The following ADCY9 variants were observed in gnomAD, a reference collection of about 807,000 sequenced individuals.
ADCY9 encodes the protein adenylate cyclase type 9.
In ADCY9, 50 loss-of-function variants were observed where a neutral mutation model predicts 101.5. The ratio of observed to expected loss-of-function variants is 0.49; its 90% CI spans 0.39 to 0.62. ADCY9 has a LOEUF of 0.62. Among genes scored for constraint, ADCY9 ranks in the 20% least tolerant of loss-of-function variants. The pLI is 0.00. For missense variants in ADCY9, 1,662 were observed against 1,800.4 expected (o/e 0.92, Z 1.39); for synonymous variants, 905 against 769.3 (o/e 1.18, Z -2.92).
intron 2 of ADCY9, among the ~76,000 whole-genome samples, chr16:4,101,243 A>C (rs558005331): frequency 6.6e-6 from 1 of 151,466 alleles, no homozygotes. Flanking sequence ...CCTATCTGTA[A>C]TACAGTCAGG....
chr16:3,955,605 G>A (rs143901594), intron 5 of ADCY9, among the ~76,000 whole-genome samples: 153 of 152,090 alleles, frequency 1.0e-3, no homozygotes, highest in African/African-American at 3.4e-3. Context: ...GTGCAGTGGC[G>A]CGATCTCAGG....
intron 3 of ADCY9, among the ~76,000 whole-genome samples, chr16:4,000,968 T>TACAC (rs141254290): frequency 0.061 from 7,688 of 125,202 alleles, 302 homozygotes; most frequent in African/African-American, 0.088. Flanking sequence ...TCCCTCTCTC[T>TACAC]ACACACACAC....
intron 5 of ADCY9, among the ~76,000 whole-genome samples, chr16:3,991,709 C>G (rs935059997): frequency 5.6e-5 from 8 of 144,138 alleles, no homozygotes; most frequent in Non-Finnish European, 1.0e-4. Flanking sequence ...TGCAGTGAGC[C>G]GAGATTGAGC....
intron 2 of ADCY9, among the ~76,000 whole-genome samples, chr16:4,079,427 G>C (rs2056888089): frequency 6.6e-6 from 1 of 152,154 alleles, no homozygotes; most frequent in African/African-American, 2.4e-5. Flanking sequence ...AAATTAGCTG[G>C]GTGTGGTGGC....
At chr16:4,010,894 C>A (rs1429629658) in intron 2 of ADCY9, among the ~76,000 whole-genome samples, 1 of 152,226 alleles carries the variant, frequency 6.6e-6, no homozygotes, top group African/African-American at 2.4e-5. Context: ...CTGTAAGGGG[C>A]TCTCTCGCTT....
chr16:3,966,206 C>T lies in ADCY9; in HGVS notation c.3631G>A (p.Glu1211Lys). ...ATCTTGCTCAAGACGCGGTAGCTCT[C>T]TTCGCTCACCTGGATGCGGCACTCC... ...GVECRIQVSE[E>K]SYRVLSKMGY... The change falls in exon 11 of 11, where the codon GAG becomes AAG. Residue 1211 changes from glutamate (E) to lysine (K), a missense_variant. Physicochemically the swap from Glu to Lys is moderately conservative, Grantham distance 56. Coordinates refer to ENST00000294016, the MANE Select transcript of ADCY9 (RefSeq NM_001116.4). The T allele has an allele frequency of 6.2e-7, 1 of 1,614,220 alleles. No homozygotes were observed. The highest frequency in any genetic ancestry group is 1.6e-4 in the Middle Eastern group (1 of 6,062).
chr16:4,021,003 A>G (rs887724192), intron 2 of ADCY9, among the ~76,000 whole-genome samples: 5 of 152,196 alleles, frequency 3.3e-5, no homozygotes, highest in Non-Finnish European at 2.9e-5. Flanking sequence ...TAAACACATT[A>G]GCTTGACCTT....
At position 4,050,440 on chromosome 16, in the gene ADCY9, G is replaced by A. The variant is rs990600552; in HGVS notation, c.1694-42882C>T. 3.3e-4 allele frequency among the ~76,000 whole-genome samples: 50 copies of A among 152,106 alleles called. 1 individual carries two copies. Among genetic ancestry groups the A allele is most frequent in the Admixed American group, 2.0e-4 (3 of 15,270 alleles). On this transcript the variant is annotated intron_variant, in intron 2 of 10. Transcript: ENST00000294016. Reference sequence around the variant, plus strand: ...GTTTAATTTCCTAGCTATGCCAGGCGCGGTGGCTCATGCCTGTAATCCCAG... The same window carrying A: ...GTTTAATTTCCTAGCTATGCCAGGCACGGTGGCTCATGCCTGTAATCCCAG...
intron 2 of ADCY9, among the ~76,000 whole-genome samples, chr16:4,045,151 T>C (rs2056654033): frequency 6.6e-6 from 1 of 152,194 alleles, no homozygotes; most frequent in Admixed American, 6.5e-5. Flanking sequence ...TTTTGTTTTT[T>C]AAACTCCTTT....
At chr16:4,044,608 T>C (rs1246862795) in intron 2 of ADCY9, among the ~76,000 whole-genome samples, 2 of 152,192 alleles carry the variant, frequency 1.3e-5, no homozygotes, top group African/African-American at 2.4e-5. Flanking sequence ...ACAAACATAC[T>C]TCCTTTAACC....
chr16:3,974,134 C>T (rs1317229998), intron 10 of ADCY9, among the ~76,000 whole-genome samples: 3 of 152,134 alleles, frequency 2.0e-5, no homozygotes, highest in Non-Finnish European at 2.9e-5. Flanking sequence ...CTCCGCCTCC[C>T]GGGTTCACGC....
intron 7 of ADCY9, chr16:3,982,040 G>T (rs2056148017): frequency 6.6e-6 from 1 of 152,520 alleles, no homozygotes; most frequent in Non-Finnish European, 1.5e-5. Flanking sequence ...AGCACAGGAG[G>T]GCACTGAGGC....
At chr16:4,065,996 G>A (rs1016868811) in intron 2 of ADCY9, among the ~76,000 whole-genome samples, 5 of 152,162 alleles carry the variant, frequency 3.3e-5, no homozygotes, top group African/African-American at 4.8e-5. Flanking sequence ...GAGCCTCCGC[G>A]CCTGGACTAA....
chr16:3,983,774 A>C, intron 6 of ADCY9: 1 of 285,970 alleles, frequency 3.5e-6, no homozygotes, highest in South Asian at 5.5e-5. Flanking sequence ...AAAACTTTAA[A>C]ATTAGCCAGG....
chr16:4,037,997 G>GC (rs2056600955), intron 2 of ADCY9, among the ~76,000 whole-genome samples: 1 of 151,540 alleles, frequency 6.6e-6, no homozygotes, highest in African/African-American at 2.5e-5. Flanking sequence ...GGTCTTACTG[G>GC]CACAGTGGCT....
At chr16:4,046,847 G>T (rs924344275) in intron 2 of ADCY9, among the ~76,000 whole-genome samples, 15 of 149,802 alleles carry the variant, frequency 1.0e-4, no homozygotes, top group South Asian at 8.6e-4. Context: ...CAAAAAAAAA[G>T]TTTTTTTTTT....
At chr16:4,038,280 C>CAA (rs71394643) in intron 2 of ADCY9, among the ~76,000 whole-genome samples, 1,230 of 108,066 alleles carry the variant, frequency 0.011, 19 homozygotes, top group African/African-American at 0.032. Flanking sequence ...GATTCTGTCT[C>CAA]AAAAAAAAAA....
chr16:4,085,481 T>C (rs553940835), intron 2 of ADCY9, among the ~76,000 whole-genome samples: 1 of 152,084 alleles, frequency 6.6e-6, no homozygotes, highest in East Asian at 1.9e-4. Flanking sequence ...GTGAACACCA[T>C]CAGCTGAGGT....
At chr16:4,047,169 C>G (rs2056670772) in intron 2 of ADCY9, among the ~76,000 whole-genome samples, 1 of 152,020 alleles carries the variant, frequency 6.6e-6, no homozygotes, top group South Asian at 2.1e-4. Flanking sequence ...TACAAAGTAT[C>G]TTTTTTAAGT....
Sources: gnomAD v4.1 joint callset for allele counts (sites outside exome capture counted in the v4.1 genomes callset) on GRCh38, gnomAD v4.1.1 for gene constraint, MANE v1.5 for transcripts, NCBI Gene and HGNC (gene_info 2026-07-23, HGNC 2026-07-21) for gene names.